WNK1: variants seen among roughly 807,000 people sequenced by gnomAD.
WNK1 encodes WNK lysine deficient protein kinase 1.
In WNK1, 38 loss-of-function variants were observed where a neutral mutation model predicts 222.8. The observed-to-expected ratio is 0.17, with a 90% CI of 0.13 to 0.22. The LOEUF (loss-of-function observed/expected upper bound fraction) is 0.22, where lower values mean the gene tolerates loss of function less well. Ranked by LOEUF, WNK1 falls within the 10% of genes least tolerant of loss-of-function variation. The pLI, the probability that WNK1 is intolerant of heterozygous loss-of-function variation, is 1.00. For synonymous variants in WNK1, 1,090 were observed against 1,092.9 expected, an observed-to-expected ratio of 1.00 and a Z score of 0.05; for missense variants, 2,348 against 2,918.4, an observed-to-expected ratio of 0.80 and a Z score of 4.50.
chr12:757,333 T>TTTA (rs1491212965), intron 1 of WNK1, among the ~76,000 whole-genome samples: 21 of 71,492 alleles, frequency 2.9e-4, no homozygotes, highest in South Asian at 5.3e-4. Flanking sequence ...TTTTTTTTTT[T>TTTA]AAAAAAAAAA....
chr12:857,755 T>C (rs765180250), intron 5 of WNK1, among the ~76,000 whole-genome samples: 10 of 152,214 alleles, frequency 6.6e-5, no homozygotes, highest in Non-Finnish European at 1.5e-4. Flanking sequence ...AGATGTGGCT[T>C]AGTCATTTGT....
At chr12:779,859 G>C (rs1213144867) in intron 1 of WNK1, among the ~76,000 whole-genome samples, 1 of 152,096 alleles carries the variant, frequency 6.6e-6, no homozygotes, top group Non-Finnish European at 1.5e-5. Context: ...CTCTGTACTT[G>C]ACTCAGCTTC....
In WNK1 at chr12:885,337, C is replaced by T. The variant is rs779861152; in HGVS notation, c.4533C>T (p.Ser1511=). Residue 1511 remains serine, a synonymous_variant, in exon 19 of 28, where the codon AGC becomes AGT. Coordinates refer to ENST00000315939, the MANE Select transcript of WNK1 (RefSeq NM_018979.4). ...TASQLCIQLS[S]STSTPTLAET... ...CACAGCTGTGCATTCAGCTTAGCAG[C>T]AGTACTTCTACTCCTACTTTAGCTG... 1.2e-6 allele frequency: 2 copies of T among 1,614,084 alleles called. No individual in the cohort carries two copies. Among genetic ancestry groups the T allele is most frequent in the Non-Finnish European group, 1.7e-6 (2 of 1,179,996 alleles).
chr12:799,923 G>A (rs1269350890), intron 1 of WNK1, among the ~76,000 whole-genome samples: 1 of 151,718 alleles, frequency 6.6e-6, no homozygotes, highest in Non-Finnish European at 1.5e-5. Context: ...GACCTCAAGT[G>A]ATCCACCTGC....
In WNK1 at chr12:889,141, C is replaced by A; in HGVS notation, c.5366C>A (p.Ser1789Tyr). The change falls in exon 21 of 28, where the codon TCC becomes TAC. Residue 1789 changes from serine (S) to tyrosine (Y), a missense_variant and splice_region_variant. Around this residue, in one of 13 missense-constraint regions of WNK1, gnomAD observed 1,144 missense variants for 1,273.6 expected, o/e 0.90. Transcript: ENST00000315939. ...PPFPGPSLTQ[S>Y]QQPLEDLDAQ... The stretch of plus-strand genomic sequence containing the variant: ...TTTACTGTGATTGTTTTCATTCAGT[C>A]CCAGCAACCTCTAGAGGATCTTGAT... 1 of 1,613,908 alleles carries A rather than the reference C, an allele frequency of 6.2e-7. No homozygotes were observed. The highest frequency in any genetic ancestry group is 1.1e-5 in the South Asian group (1 of 91,076).
chr12:881,933 G>A lies in WNK1; in HGVS notation c.3232G>A (p.Gly1078Ser). 1 of 1,614,106 alleles carries A rather than the reference G, an allele frequency of 6.2e-7. No individual in the cohort carries two copies. ...VDSAHSDVAS[G>S]MSDGNENVPS... ...AAGTGCACATTCAGATGTTGCTTCA[G>A]GTATGAGTGATGGCAATGAGAACGT... Residue 1078 changes from glycine to serine, a missense_variant, in exon 14 of 28, where the codon GGT becomes AGT. Transcript: ENST00000315939.
intron 25 of WNK1, 27 bp from the exon 26 acceptor site, chr12:900,449 T>G (rs1415303322): frequency 6.2e-7 from 1 of 1,613,792 alleles, no homozygotes. Context: ...TGGACATGTT[T>G]CCTCATGCCA....
intron 6 of WNK1, 98 bp from the exon 7 acceptor site, chr12:860,915 T>G (rs1312428138): frequency 4.8e-6 from 6 of 1,237,402 alleles, no homozygotes; most frequent in Non-Finnish European, 7.0e-6. Flanking sequence ...TTCTCTACTT[T>G]TTTTACAATG....
chr12:829,604 A>G (rs374206885), intron 3 of WNK1, among the ~76,000 whole-genome samples: 1 of 152,266 alleles, frequency 6.6e-6, no homozygotes, highest in African/African-American at 2.4e-5. Flanking sequence ...CCATCATCTT[A>G]TCTTACAGAT....
intron 9 of WNK1, among the ~76,000 whole-genome samples, chr12:873,935 C>T (rs1952387039): frequency 6.6e-6 from 1 of 151,732 alleles, no homozygotes; most frequent in African/African-American, 2.4e-5. Flanking sequence ...TGTAGGGTCT[C>T]GTATAGTGAT....
chr12:767,398 G>A (rs545078978), intron 1 of WNK1, among the ~76,000 whole-genome samples: 13 of 151,700 alleles, frequency 8.6e-5, no homozygotes, highest in South Asian at 2.1e-4. Flanking sequence ...GATTACAGGC[G>A]CGCGCCACCA....
chr12:885,922 C>A lies in WNK1; in HGVS notation c.5118C>A (p.Thr1706=). ...AVAPSKLLTS[T]TSTCLPPTNL... is the part of the protein sequence containing the mutation. The stretch of plus-strand genomic sequence containing the variant: ...CACCAAGCAAACTCCTGACTTCTAC[C>A]ACAAGTACTTGCTTACCACCAACCA... Residue 1706 remains threonine, a synonymous_variant, in exon 19 of 28, where the codon ACC becomes ACA. Coordinates refer to ENST00000315939, the MANE Select transcript of WNK1 (RefSeq NM_018979.4). 6.2e-7 allele frequency: 1 copy of A among 1,604,040 alleles called. No individual in the cohort carries two copies. Among genetic ancestry groups the A allele is most frequent in the Non-Finnish European group, 8.5e-7 (1 of 1,174,134 alleles).
chr12:835,017 C>T (rs1949074185), intron 4 of WNK1, among the ~76,000 whole-genome samples: 1 of 152,182 alleles, frequency 6.6e-6, no homozygotes, highest in African/African-American at 2.4e-5. Context: ...ATACTTCTTT[C>T]TTGTGAATAA....
chr12:848,675 G>T (rs1482589207), intron 4 of WNK1, among the ~76,000 whole-genome samples: 1 of 151,846 alleles, frequency 6.6e-6, no homozygotes, highest in Non-Finnish European at 1.5e-5. Flanking sequence ...GATGACTAAG[G>T]TTTCTTCTCT....
intron 1 of WNK1, among the ~76,000 whole-genome samples, chr12:766,862 C>T (rs1444010803): frequency 2.0e-5 from 3 of 151,974 alleles, no homozygotes; most frequent in East Asian, 1.9e-4. Context: ...CTGCAGCCTC[C>T]GCCTCCCAGG....
intron 22 of WNK1, among the ~76,000 whole-genome samples, chr12:894,236 C>T (rs1196547974): frequency 6.6e-6 from 1 of 152,054 alleles, no homozygotes; most frequent in East Asian, 1.9e-4. Flanking sequence ...AAAGATGGGT[C>T]CTTAATGTCC....
chr12:766,984 C>A (rs1461842662), intron 1 of WNK1, among the ~76,000 whole-genome samples: 2 of 151,756 alleles, frequency 1.3e-5, no homozygotes, highest in Non-Finnish European at 2.9e-5. Context: ...AACATGTTGG[C>A]CAGGCTGATC....
chr12:800,101 A>G (rs1330990229), intron 1 of WNK1, among the ~76,000 whole-genome samples: 1 of 152,156 alleles, frequency 6.6e-6, no homozygotes, highest in Non-Finnish European at 1.5e-5. Flanking sequence ...CTAGGACTGG[A>G]CTACTGCACT....
chr12:787,188 G>A (rs1239372675), intron 1 of WNK1, among the ~76,000 whole-genome samples: 3 of 152,116 alleles, frequency 2.0e-5, no homozygotes, highest in Non-Finnish European at 4.4e-5. Flanking sequence ...TTTATAGGTG[G>A]TATTGTGGAA....
Sources: allele counts gnomAD v4.1 joint callset (sites outside exome capture counted in the v4.1 genomes callset), GRCh38; gene constraint gnomAD v4.1.1; regional missense constraint gnomAD v4.1.1; transcripts MANE v1.5; gene names NCBI Gene and HGNC (gene_info 2026-07-23, HGNC 2026-07-21).